Variants in TIMP2 observed in about 807,000 individuals in gnomAD.
TIMP2 encodes the protein metalloproteinase inhibitor 2.
In TIMP2, 5 loss-of-function variants were observed where a neutral mutation model predicts 24.3. The observed-to-expected ratio is 0.21, with a 90% CI of 0.11 to 0.43. The LOEUF is 0.43. Ranked by LOEUF, TIMP2 falls within the 20% of genes least tolerant of loss-of-function variation. The pLI is 1.00. For missense variants in TIMP2, 221 were observed against 297.5 expected, an observed-to-expected ratio of 0.74 and a Z score of 1.89; for synonymous variants, 130 against 123.2, an observed-to-expected ratio of 1.06 and a Z score of -0.37.
At position 78,881,085 on chromosome 17, in the gene TIMP2, C is replaced by T. The variant is rs542190057; in HGVS notation, c.131-7166G>A. ...GATCCCTGGGACTCAGAAACACATTCGGCTGCTAAATACAAAGTCAAAACC... is the reference window on the plus strand; with the variant it reads ...GATCCCTGGGACTCAGAAACACATTTGGCTGCTAAATACAAAGTCAAAACC... On this transcript the variant is annotated intron_variant, in intron 1 of 4. Transcript: ENST00000262768. Among the ~76,000 whole-genome samples, 15 of 152,348 alleles carry T rather than the reference C, an allele frequency of 9.8e-5. No individual in the cohort carries two copies. The South Asian group carries it at 1.2e-3, about 13-fold the overall frequency.
chr17:78,908,107 C>T (rs1303460921), intron 1 of TIMP2, among the ~76,000 whole-genome samples: 1 of 152,040 alleles, frequency 6.6e-6, no homozygotes, highest in African/African-American at 2.4e-5. Flanking sequence ...TGCACTCCAG[C>T]CTGGGTGACA....
chr17:78,912,221 T>G lies in TIMP2; in HGVS notation c.130+12738A>C, dbSNP rs569970353. 2.0e-5 allele frequency among the ~76,000 whole-genome samples: 3 copies of G among 152,332 alleles called. No individual in the cohort carries two copies. The South Asian group carries it at 6.2e-4, about 32-fold the overall frequency. On this transcript the variant is annotated intron_variant, in intron 1 of 4. Coordinates refer to ENST00000262768, the MANE Select transcript of TIMP2 (RefSeq NM_003255.5). ...GCTCTTTTCTCCAATACTTTTCATG[T>G]CGCCTCTTTTCTCTGAAATGTCCAT... is the stretch of plus-strand genomic sequence containing the variant.
At chr17:78,860,773 C>T (rs2069561295) in intron 3 of TIMP2, among the ~76,000 whole-genome samples, 1 of 152,168 alleles carries the variant, frequency 6.6e-6, no homozygotes, top group Non-Finnish European at 1.5e-5. Context: ...TGGTGGCTCA[C>T]ACCTGTAATC....
intron 1 of TIMP2, among the ~76,000 whole-genome samples, chr17:78,894,197 C>T (rs548555310): frequency 1.3e-5 from 2 of 151,886 alleles, no homozygotes; most frequent in Admixed American, 6.6e-5. Context: ...GCTCCTACCC[C>T]CCCCGGTTCA....
Position 78,894,667 on chromosome 17 carries a change from T to G in TIMP2, c.131-20748A>C, listed in dbSNP as rs376136199. On this transcript the variant is annotated intron_variant, in intron 1 of 4. Coordinates refer to ENST00000262768, the MANE Select transcript of TIMP2 (RefSeq NM_003255.5). ...TATACAAAAATTAACTCACAATGGA[T>G]CATAGACCTTCATCTACAACTATAA... Among the ~76,000 whole-genome samples the G allele has an allele frequency of 1.2e-4, 18 of 152,210 alleles. No individual in the cohort carries two copies. In the South Asian group the frequency reaches 3.7e-3, roughly 32 times the overall value.
At position 78,855,141 on chromosome 17, in the gene TIMP2, G is replaced by A. The variant is rs2069515035; in HGVS notation, c.*526C>T. ...GGGGAGTCAGGTGCTGGGAGCTCAT[G>A]GTGGGCACCGGGGCGATGGGAGCAC... On this transcript the variant is annotated 3_prime_UTR_variant, in exon 5 of 5. Coordinates refer to ENST00000262768, the MANE Select transcript of TIMP2 (RefSeq NM_003255.5). The surrounding 1 kb of genome is among the most constrained non-coding windows in gnomAD (Gnocchi z 6.0). 1 of 160,168 alleles carries A rather than the reference G, an allele frequency of 6.2e-6. No individual in the cohort carries two copies. Among genetic ancestry groups the A allele is most frequent in the Admixed American group, 5.9e-5 (1 of 17,060 alleles). The allele number at this position is 160,168 out of a possible 1,614,324, so 9.9% of individuals were successfully genotyped here.
intron 1 of TIMP2, among the ~76,000 whole-genome samples, chr17:78,911,598 T>A (rs965046229): frequency 2.0e-5 from 3 of 151,908 alleles, no homozygotes; most frequent in African/African-American, 4.8e-5. Flanking sequence ...CAGCTAATTT[T>A]AAAAATATTT....
At chr17:78,881,765 G>A (rs934406319) in intron 1 of TIMP2, among the ~76,000 whole-genome samples, 4 of 152,234 alleles carry the variant, frequency 2.6e-5, no homozygotes, top group Non-Finnish European at 4.4e-5. Context: ...GGACTGTGAC[G>A]TTCCACGCCT....
chr17:78,894,364 C>T (rs1280725661), intron 1 of TIMP2, among the ~76,000 whole-genome samples: 1 of 151,896 alleles, frequency 6.6e-6, no homozygotes, highest in South Asian at 2.1e-4. Context: ...CTTAAGTCTT[C>T]TAGTGGGAGG....
At position 78,913,859 on chromosome 17, in the gene TIMP2, T is replaced by G. The variant is rs539821513; in HGVS notation, c.130+11100A>C. Among the ~76,000 whole-genome samples the G allele has an allele frequency of 2.5e-4, 32 of 127,162 alleles. No individual in the cohort carries two copies. In the East Asian group the frequency reaches 6.6e-3, roughly 26 times the overall value. 83.4% of individuals were successfully genotyped at this position (127,162 alleles called of 152,430 possible). A position where few individuals can be genotyped will look rare whatever the true frequency, so the allele number is the denominator to read the frequency against. ...GCGAACCAAGATTGCACCACTGCAC[T>G]CCAGCCTGGGCCACGGAGCGAAACT... On this transcript the variant is annotated intron_variant, in intron 1 of 4. Transcript: ENST00000262768.
chr17:78,918,859 G>A (rs1328848369), intron 1 of TIMP2, among the ~76,000 whole-genome samples: 1 of 152,058 alleles, frequency 6.6e-6, no homozygotes, highest in East Asian at 1.9e-4. Context: ...AATTAGCTGG[G>A]CGTGGTGGCT....
At chr17:78,888,143 ATCTT>A (rs1380785128) in intron 1 of TIMP2, among the ~76,000 whole-genome samples, 2 of 150,436 alleles carry the variant, frequency 1.3e-5, no homozygotes, top group African/African-American at 2.5e-5. Flanking sequence ...GCAGGTATAT[ATCTT>A]TTTGTTTCTT....
At chr17:78,885,616 C>A (rs751879151) in intron 1 of TIMP2, among the ~76,000 whole-genome samples, 5 of 152,148 alleles carry the variant, frequency 3.3e-5, no homozygotes, top group African/African-American at 9.7e-5. Context: ...AGGGGGCAGG[C>A]CCTGTGCACT....
At chr17:78,869,954 C>G (rs992535242) in intron 3 of TIMP2, among the ~76,000 whole-genome samples, 6 of 152,038 alleles carry the variant, frequency 3.9e-5, no homozygotes, top group African/African-American at 1.4e-4. Context: ...CTGGAGTAGT[C>G]AAATCCACAG....
At chr17:78,857,154 AATTTTTGT>A (rs2069530153) in intron 4 of TIMP2, 1 of 222,076 alleles carries the variant, frequency 4.5e-6, no homozygotes. Flanking sequence ...TCACCTGGCT[AATTTTTGT>A]ATTTTTGTAG....
intron 1 of TIMP2, among the ~76,000 whole-genome samples, chr17:78,911,856 G>A (rs140715974): frequency 9.1e-4 from 131 of 144,592 alleles, no homozygotes; most frequent in Admixed American, 2.4e-3. Flanking sequence ...GACCAGCCAG[G>A]CCAACATGGT....
At chr17:78,866,311 G>A (rs1567992552) in intron 3 of TIMP2, among the ~76,000 whole-genome samples, 1 of 151,778 alleles carries the variant, frequency 6.6e-6, no homozygotes, top group Non-Finnish European at 1.5e-5. Context: ...CCTCCTCTGT[G>A]TTTTTTTTGA....
At position 78,891,104 on chromosome 17, in the gene TIMP2, C is replaced by T. The variant is rs1212857310; in HGVS notation, c.131-17185G>A. ...GGGGGTCTCTTGTCCAGATTCAGTG[C>T]TATACAATAATGAGTCCTCTTTGTT... On this transcript the variant is annotated intron_variant, in intron 1 of 4. Coordinates refer to ENST00000262768, the MANE Select transcript of TIMP2 (RefSeq NM_003255.5). The surrounding 1 kb of genome is among the most constrained non-coding windows in gnomAD (Gnocchi z 4.5). 11 of 1,550,832 alleles carry T rather than the reference C, an allele frequency of 7.1e-6. No homozygotes were observed. Among genetic ancestry groups the T allele is most frequent in the Admixed American group, 2.0e-5 (1 of 51,002 alleles).
rs2069675011 is a variant in TIMP2, at chr17:78,870,780, T to C, written c.340+118A>G. On this transcript the variant is annotated intron_variant, in intron 3 of 4. Coordinates refer to ENST00000262768, the MANE Select transcript of TIMP2 (RefSeq NM_003255.5). Reference sequence around the variant, plus strand: ...GAGAGGGCTCCGTACCCTGCCTCACTGTTCCTCAGCTACTCCGCCTCCCCA... The same window carrying C: ...GAGAGGGCTCCGTACCCTGCCTCACCGTTCCTCAGCTACTCCGCCTCCCCA... 6.6e-6 allele frequency: 5 copies of C among 761,122 alleles called. No individual in the cohort carries two copies. In the East Asian group the frequency reaches 1.4e-4, roughly 21 times the overall value. 47.1% of individuals were successfully genotyped at this position (761,122 alleles called of 1,614,324 possible). A position where few individuals can be genotyped will look rare whatever the true frequency, so the allele number is the denominator to read the frequency against.
Sources: gnomAD v4.1 joint callset for allele counts (sites outside exome capture counted in the v4.1 genomes callset) on GRCh38, gnomAD v4.1.1 for gene constraint, Gnocchi (gnomAD v3.1) non-coding constraint, MANE v1.5 for transcripts, NCBI Gene and HGNC (gene_info 2026-07-23, HGNC 2026-07-21) for gene names.